CD164L2: variants seen among roughly 807,000 people sequenced by gnomAD.
The protein encoded by CD164L2 is CD164 molecule like 2, also known as CD164 sialomucin-like 2 protein.
Under a neutral mutation model 23.9 loss-of-function variants are expected in CD164L2, and 21 were observed. That is an observed-to-expected ratio of 0.88 (90% CI 0.62 to 1.27). The LOEUF is 1.27. Among genes scored for constraint, CD164L2 ranks in the 50% most tolerant of loss-of-function variants. CD164L2 has a pLI of 0.00. For synonymous variants in CD164L2, 92 were observed against 90.2 expected (o/e 1.02, Z -0.11); for missense variants, 230 against 224.8 (o/e 1.02, Z -0.15).
At chr1:27,379,929 T>A in intron 5 of CD164L2, 122 bp downstream of exon 5, 1 of 1,526,482 alleles carries the variant, frequency 6.6e-7, no homozygotes, top group Non-Finnish European at 8.8e-7. Flanking sequence ...TGGAGCACGC[T>A]GTCACCGTCC....
chr1:27,379,674 C>T, intron 5 of CD164L2, 165 bp from the exon 6 acceptor site: 2 of 1,495,114 alleles, frequency 1.3e-6, no homozygotes, highest in Non-Finnish European at 1.8e-6. Flanking sequence ...GGCACAGCTC[C>T]CCTTCTCAGA....
At chr1:27,381,908 C>T in intron 3 of CD164L2, 84 bp from the exon 4 acceptor site, 1 of 1,556,768 alleles carries the variant, frequency 6.4e-7, no homozygotes, top group South Asian at 1.1e-5. Context: ...CACCGCTAAA[C>T]TTCCGATTCA....
intron 4 of CD164L2, among the ~76,000 whole-genome samples, chr1:27,381,053 G>C (rs1407197079): frequency 6.6e-6 from 1 of 152,254 alleles, no homozygotes; most frequent in African/African-American, 2.4e-5. Context: ...GGCCCAGCCT[G>C]AACTGGGTCT....
In CD164L2 at chr1:27,380,214, G is replaced by T. The variant is rs762420401; in HGVS notation, c.374-19C>A. The stretch of plus-strand genomic sequence containing the variant: ...GGGCTCCCTGCAGGGGTGAGGCAGG[G>T]CAGGGGTCATAGCAGTCACTGTGAA... On this transcript the variant is annotated intron_variant, in intron 4 of 5. Transcript: ENST00000374030. The T allele has an allele frequency of 6.2e-7, 1 of 1,610,420 alleles. No homozygotes were observed. Among genetic ancestry groups the T allele is most frequent in the Non-Finnish European group, 8.5e-7 (1 of 1,177,384 alleles).
Position 27,379,328 on chromosome 1 carries a change from C to T in CD164L2, c.*175G>A. The T allele has an allele frequency of 1.6e-6, 1 of 642,490 alleles. No individual in the cohort carries two copies. Among genetic ancestry groups the T allele is most frequent in the Non-Finnish European group, 2.8e-6 (1 of 353,796 alleles). 39.8% of individuals were successfully genotyped at this position (642,490 alleles called of 1,614,324 possible). On this transcript the variant is annotated 3_prime_UTR_variant, in exon 6 of 6. Transcript: ENST00000374030. ...TTTTCTCAGCTGCAGGTTCCAGGCC[C>T]AGGACAGGAGGAGATGTCAGGCATC... is the stretch of plus-strand genomic sequence containing the variant.
chr1:27,381,900 C>A, intron 3 of CD164L2, 76 bp from the exon 4 acceptor site: 1 of 1,575,854 alleles, frequency 6.3e-7, no homozygotes, highest in Non-Finnish European at 8.7e-7. Flanking sequence ...CCCCCACTCA[C>A]CGCTAAACTT....
rs1253006867 is a variant in CD164L2 at position 27,382,548 on chromosome 1, G to A, written c.208C>T (p.Arg70Cys). The change falls in exon 2 of 6, where the codon CGC (arginine) becomes TGC (cysteine). Residue 70 changes from arginine (R) to cysteine (C), a missense_variant. By Grantham distance (180) the Arg-to-Cys change is radical. Transcript: ENST00000374030. Reference protein sequence around the residue: ...CEHCVEGDGARNLSSCVWEQC... With the variant: ...CEHCVEGDGACNLSSCVWEQC... ...TCCCACACGCAGCTGGAGAGATTGC[G>A]CGCTCCGTCTCCCTCCACGCAGTGC... 3.7e-6 allele frequency: 6 copies of A among 1,613,746 alleles called. No individual in the cohort carries two copies. Among genetic ancestry groups the A allele is most frequent in the Non-Finnish European group, 5.1e-6 (6 of 1,179,900 alleles).
At position 27,383,167 on chromosome 1, in the gene CD164L2, G is replaced by A. The variant is rs776111310; in HGVS notation, c.73C>T (p.Gln25Ter). 6.5e-7 allele frequency: 1 copy of A among 1,548,566 alleles called. No homozygotes were observed. The highest frequency in any genetic ancestry group is 1.4e-5 in the African/African-American group (1 of 73,008). The change falls in exon 1 of 6, where the codon CAG becomes TAG. Residue 25 changes from glutamine to a stop codon, truncating the protein, a stop_gained. Transcript: ENST00000374030. LOFTEE classifies it high-confidence loss of function. Reference protein sequence around the residue: ...GGCCCLLLCAQLAVAGKGARG... With the variant: ...GGCCCLLLCA ...CGCGAGTTACCAGCCACAGCCAGCT[G>A]GGCACATAGGAGGAGGCAGCAACAG... is the stretch of plus-strand genomic sequence containing the variant.
chr1:27,381,391 G>A (rs2016332910), intron 4 of CD164L2, among the ~76,000 whole-genome samples: 1 of 152,174 alleles, frequency 6.6e-6, no homozygotes, highest in African/African-American at 2.4e-5. Context: ...CCCGCCTTGT[G>A]ACCCTCTCTG....
chr1:27,381,385 C>T (rs1482685675), intron 4 of CD164L2, among the ~76,000 whole-genome samples: 5 of 152,206 alleles, frequency 3.3e-5, no homozygotes, highest in Non-Finnish European at 7.3e-5. Context: ...CAGGAACCCG[C>T]CTTGTGACCC....
At chr1:27,379,737 C>T (rs962954841) in intron 5 of CD164L2, 24 of 1,445,282 alleles carry the variant, frequency 1.7e-5, no homozygotes, top group African/African-American at 5.7e-5. Flanking sequence ...CACAGAAACG[C>T]GGGCCACAGG....
chr1:27,379,876 G>A, intron 5 of CD164L2, 175 bp downstream of exon 5: 1 of 1,501,346 alleles, frequency 6.7e-7, no homozygotes, highest in Non-Finnish European at 8.8e-7. Flanking sequence ...ATCTGACAAA[G>A]GAAACACCCC....
In CD164L2 at chr1:27,383,247, CGGGGTG is replaced by C. The variant is rs2016377021; in HGVS notation, c.-14_-9del. On this transcript the variant is annotated 5_prime_UTR_variant, in exon 1 of 6. Transcript: ENST00000374030. ...GGGTCCCGGAGCCTCCATGGGCTCG[CGGGGTG>C]GGGGTGGCCGGGGGCGGTGGCCGGG... 2.0e-6 allele frequency: 3 copies of C among 1,510,772 alleles called. No individual in the cohort carries two copies. The highest frequency in any genetic ancestry group is 1.4e-5 in the African/African-American group (1 of 72,306). 93.6% of individuals were successfully genotyped at this position (1,510,772 alleles called of 1,614,324 possible).
Position 27,379,462 on chromosome 1 carries a change from ATCC to A in CD164L2, c.*38_*40del. On this transcript the variant is annotated 3_prime_UTR_variant, in exon 6 of 6. Transcript: ENST00000374030. ...AGGGTGCCCAGAGGCCACCCTCTGC[ATCC>A]TCCTTTCCCCTCAGGATGGAGTCCA... 6.7e-7 allele frequency: 1 copy of A among 1,492,218 alleles called. No individual in the cohort carries two copies. The highest frequency in any genetic ancestry group is 1.2e-5 in the South Asian group (1 of 82,430). 92.4% of individuals were successfully genotyped at this position (1,492,218 alleles called of 1,614,324 possible). A position where few individuals can be genotyped will look rare whatever the true frequency, so the allele number is the denominator to read the frequency against.
intron 5 of CD164L2, 124 bp from the exon 6 acceptor site, chr1:27,379,633 CCACAGCA>C (rs2016301583): frequency 6.5e-7 from 1 of 1,539,200 alleles, no homozygotes; most frequent in Non-Finnish European, 8.8e-7. Context: ...GCGACCCGCC[CCACAGCA>C]CACACGGCAC....
Position 27,382,609 on chromosome 1 carries a change from C to T in CD164L2, c.147G>A (p.Ala49=), listed in dbSNP as rs561233778. The T allele has an allele frequency of 2.5e-6, 4 of 1,613,202 alleles. No homozygotes were observed. The highest frequency in any genetic ancestry group is 1.1e-5 in the South Asian group (1 of 91,042). ...GALIRLNIWP[A]VQGACKQLEV... Reference sequence around the variant, plus strand: ...CCAGCTGTTTGCAGGCCCCTTGGACCGCCGGCCAGATATTCAGGCGGATCA... The same window carrying T: ...CCAGCTGTTTGCAGGCCCCTTGGACTGCCGGCCAGATATTCAGGCGGATCA... The change falls in exon 2 of 6, where the codon GCG becomes GCA. Residue 49 remains alanine (A), a synonymous_variant. Coordinates refer to ENST00000374030, the MANE Select transcript of CD164L2 (RefSeq NM_001330448.1).
rs957817929 is a variant in CD164L2 at position 27,382,747 on chromosome 1, C to T, written c.89-80G>A. 25 of 1,425,486 alleles carry T rather than the reference C, an allele frequency of 1.8e-5. No individual in the cohort carries two copies. The African/African-American group carries it at 1.9e-4, about 11-fold the overall frequency. The allele number at this position is 1,425,486 out of a possible 1,614,324, so 88.3% of individuals were successfully genotyped here. The stretch of plus-strand genomic sequence containing the variant: ...CCGCCCACCCTCCCACCCAACACTC[C>T]GGTGGCCCTCGCCCCTCTGCACACA... On this transcript the variant is annotated intron_variant, in intron 1 of 5. Coordinates refer to ENST00000374030, the MANE Select transcript of CD164L2 (RefSeq NM_001330448.1).
At chr1:27,379,723 C>T (rs2148076416) in intron 5 of CD164L2, 1 of 1,450,730 alleles carries the variant, frequency 6.9e-7, no homozygotes, top group Non-Finnish European at 9.1e-7. Flanking sequence ...CTCCTGCCCA[C>T]AGCCACAGAA....
At chr1:27,382,175 G>A (rs745346965) in intron 3 of CD164L2, 153 bp downstream of exon 3, 1 of 1,569,660 alleles carries the variant, frequency 6.4e-7, no homozygotes, top group Admixed American at 1.9e-5. Context: ...AGAGAGAGGA[G>A]GGGACTTCTC....
Sources: gnomAD v4.1 joint callset for allele counts (sites outside exome capture counted in the v4.1 genomes callset) on GRCh38, gnomAD v4.1.1 for gene constraint, MANE v1.5 for transcripts, NCBI Gene and HGNC (gene_info 2026-07-23, HGNC 2026-07-21) for gene names.